The following NAA50 variants were observed in gnomAD, a reference collection of about 807,000 sequenced individuals.
The protein encoded by NAA50 is N-alpha-acetyltransferase 50, NatE catalytic subunit, also known as N-alpha-acetyltransferase 50.
NAA50 carries 7 observed loss-of-function variants against 20.7 expected under a neutral mutation model. The ratio of observed to expected loss-of-function variants is 0.34; its 90% CI spans 0.19 to 0.63. The LOEUF is 0.63. Ranked by LOEUF, NAA50 falls within the 30% of genes least tolerant of loss-of-function variation. The pLI is 0.75. For synonymous variants in NAA50, 54 were observed against 70.6 expected (o/e 0.77, Z 1.18); for missense variants, 111 against 199.1 (o/e 0.56, Z 2.66).
chr3:113,723,326 C>G, intron 3 of NAA50, 96 bp downstream of exon 3: 1 of 1,193,868 alleles, frequency 8.4e-7, no homozygotes, highest in African/African-American at 1.5e-5. Flanking sequence ...TCTCAGTATT[C>G]CTTAAAAAGA....
rs527707880 is a variant in NAA50, at chr3:113,731,613, A to G, written c.9-7518T>C. ...TACAGTCTCAAAATTCCTTAGGTGC[A>G]TCCGCAATCAATCCCCTTTCCTACC... On this transcript the variant is annotated intron_variant, in intron 1 of 4. Transcript: ENST00000240922. Among the ~76,000 whole-genome samples the G allele has an allele frequency of 3.9e-5, 6 of 152,284 alleles. No homozygotes were observed. In the South Asian group the frequency reaches 1.2e-3, roughly 32 times the overall value.
chr3:113,736,778 C>G (rs1708348387), intron 1 of NAA50, among the ~76,000 whole-genome samples: 1 of 152,126 alleles, frequency 6.6e-6, no homozygotes, highest in Non-Finnish European at 1.5e-5. Flanking sequence ...CCAGCCTCAG[C>G]CTCCTGAGCT....
At position 113,721,373 on chromosome 3, in the gene NAA50, G is replaced by T. The variant is rs1320165808; in HGVS notation, c.*387C>A. 1 of 221,656 alleles carries T rather than the reference G, an allele frequency of 4.5e-6. No homozygotes were observed. The highest frequency in any genetic ancestry group is 8.9e-6 in the Non-Finnish European group (1 of 112,558). The allele number at this position is 221,656 out of a possible 1,614,324, so 13.7% of individuals were successfully genotyped here. A position where few individuals can be genotyped will look rare whatever the true frequency, so the allele number is the denominator to read the frequency against. The stretch of plus-strand genomic sequence containing the variant: ...AACTTGTCTATGAATTAGAGAACAA[G>T]ATACTGCTGCTGCTTCTTTTTGTCT... On this transcript the variant is annotated 3_prime_UTR_variant, in exon 5 of 5. Coordinates refer to ENST00000240922, the MANE Select transcript of NAA50 (RefSeq NM_025146.4).
chr3:113,740,841 T>C, intron 1 of NAA50: 1 of 264,884 alleles, frequency 3.8e-6, no homozygotes, highest in South Asian at 5.2e-5. Context: ...TTAAAGCTTC[T>C]GTTTCTATGT....
intron 1 of NAA50, among the ~76,000 whole-genome samples, chr3:113,731,253 A>G (rs139422173): frequency 2.2e-4 from 33 of 152,234 alleles, no homozygotes; most frequent in Admixed American, 5.2e-4. Context: ...GTTGCAAAGA[A>G]TTTTTACCAG....
intron 1 of NAA50, among the ~76,000 whole-genome samples, chr3:113,737,991 G>A (rs1708368426): frequency 6.6e-6 from 1 of 152,164 alleles, no homozygotes. Flanking sequence ...GATCCTTTGA[G>A]TCCAGGAGTT....
Position 113,717,973 on chromosome 3 carries a change from T to A in NAA50, c.*3787A>T, listed in dbSNP as rs1288510015. On this transcript the variant is annotated 3_prime_UTR_variant, in exon 5 of 5. Coordinates refer to ENST00000240922, the MANE Select transcript of NAA50 (RefSeq NM_025146.4). ...TGATATCCACCTCCCAGTATTCACA[T>A]CCTTGTGCAGTCCCCTCCCACACTA... is the stretch of plus-strand genomic sequence containing the variant. 6.6e-6 allele frequency: 1 copy of A among 152,344 alleles called. No individual in the cohort carries two copies. The highest frequency in any genetic ancestry group is 2.4e-5 in the African/African-American group (1 of 41,400). 9.4% of individuals were successfully genotyped at this position (152,344 alleles called of 1,614,324 possible).
chr3:113,736,269 T>C (rs1708340286), intron 1 of NAA50, among the ~76,000 whole-genome samples: 1 of 152,218 alleles, frequency 6.6e-6, no homozygotes, highest in Admixed American at 6.5e-5. Context: ...GGCATTTTCA[T>C]ACCAGAATTT....
Position 113,723,530 on chromosome 3 carries a change from C to G in NAA50, c.157G>C (p.Asp53His). 6.2e-7 allele frequency: 1 copy of G among 1,603,274 alleles called. No homozygotes were observed. The highest frequency in any genetic ancestry group is 8.5e-7 in the Non-Finnish European group (1 of 1,175,678). ...CAGCATACTGCACCTACAGCAATAT[C>G]ATTGAAATAGGCTGCCAAGGAAAAC... ...GELAKLAYFNDIAVGAVCCRV... is the reference protein window; with the variant it reads ...GELAKLAYFNHIAVGAVCCRV... The change falls in exon 3 of 5, where the codon GAT (aspartate) becomes CAT (histidine). Residue 53 changes from aspartate (D) to histidine (H), a missense_variant. Asp to His is a moderately conservative substitution (Grantham distance 81). Transcript: ENST00000240922.
chr3:113,730,080 A>G (rs974047309), intron 1 of NAA50, among the ~76,000 whole-genome samples: 1 of 152,180 alleles, frequency 6.6e-6, no homozygotes, highest in Admixed American at 6.5e-5. Flanking sequence ...CGGGTGGATC[A>G]CTTGAAGCCA....
At chr3:113,728,079 T>TAAAAAAAAAAAAAAA (rs11429752) in intron 1 of NAA50, among the ~76,000 whole-genome samples, 1 of 140,722 alleles carries the variant, frequency 7.1e-6, no homozygotes, top group Non-Finnish European at 1.5e-5. Context: ...AACACGGAGT[T>TAAAAAAAAAAAAAAA]AAAAAAAAAA....
Position 113,721,762 on chromosome 3 carries a change from A to T in NAA50, c.508T>A (p.Ter170ArgextTer5). ...AAGAAAGTTCATTTGTAATTTGTTCAGTTGTCTGTCTTTTGCACATCTGCA... is the reference window on the plus strand; with the variant it reads ...AAGAAAGTTCATTTGTAATTTGTTCTGTTGTCTGTCTTTTGCACATCTGCA... ...QNADVQKTDN[*>R] Residue 170 changes from the stop codon to arginine (R), a stop_lost, in exon 5 of 5, where the codon TGA (stop) becomes AGA (arginine). Coordinates refer to ENST00000240922, the MANE Select transcript of NAA50 (RefSeq NM_025146.4). 6.2e-7 allele frequency: 1 copy of T among 1,613,746 alleles called. No individual in the cohort carries two copies. Among genetic ancestry groups the T allele is most frequent in the Non-Finnish European group, 8.5e-7 (1 of 1,179,742 alleles).
rs1708076972 is a variant in NAA50, at chr3:113,717,799, A to C, written c.*3961T>G. 1 of 152,202 alleles carries C rather than the reference A, an allele frequency of 6.6e-6. No individual in the cohort carries two copies. The highest frequency in any genetic ancestry group is 2.4e-5 in the African/African-American group (1 of 41,438). The allele number at this position is 152,202 out of a possible 1,614,324, so 9.4% of individuals were successfully genotyped here. A position where few individuals can be genotyped will look rare whatever the true frequency, so the allele number is the denominator to read the frequency against. Reference sequence around the variant, plus strand: ...TTCTTTTATATCCCGAATAACTGTAAAGTGCAGTGCTTTATAACCCTCATT... The same window carrying C: ...TTCTTTTATATCCCGAATAACTGTACAGTGCAGTGCTTTATAACCCTCATT... On this transcript the variant is annotated 3_prime_UTR_variant, in exon 5 of 5. Transcript: ENST00000240922.
chr3:113,741,972 A>C (rs989501863), intron 1 of NAA50, among the ~76,000 whole-genome samples: 1 of 152,230 alleles, frequency 6.6e-6, no homozygotes, highest in Admixed American at 6.5e-5. Context: ...ATTTTATTAT[A>C]AATTACTTCC....
At chr3:113,722,392 A>G (rs1708146412) in intron 4 of NAA50, among the ~76,000 whole-genome samples, 2 of 152,206 alleles carry the variant, frequency 1.3e-5, no homozygotes, top group Admixed American at 1.3e-4. Context: ...ATAACACTGT[A>G]TAATTCAATC....
At chr3:113,739,021 A>T (rs550124617) in intron 1 of NAA50, among the ~76,000 whole-genome samples, 5 of 152,212 alleles carry the variant, frequency 3.3e-5, no homozygotes, top group African/African-American at 1.2e-4. Context: ...TAAACAACTT[A>T]CGTCACAAAA....
At chr3:113,726,919 C>T (rs896437567) in intron 1 of NAA50, among the ~76,000 whole-genome samples, 1 of 152,272 alleles carries the variant, frequency 6.6e-6, no homozygotes, top group South Asian at 2.1e-4. Context: ...CTCAGCCTAA[C>T]GAGTAGCTGA....
intron 1 of NAA50, among the ~76,000 whole-genome samples, chr3:113,744,999 A>C (rs985887281): frequency 6.6e-6 from 1 of 152,238 alleles, no homozygotes; most frequent in African/African-American, 2.4e-5. Flanking sequence ...AAACTATGGC[A>C]TCGCAGAGAG....
At chr3:113,739,748 C>T (rs533638859) in intron 1 of NAA50, among the ~76,000 whole-genome samples, 1 of 152,240 alleles carries the variant, frequency 6.6e-6, no homozygotes, top group East Asian at 1.9e-4. Context: ...TTCTGTTGGC[C>T]CACAAGTTGA....
Sources: allele counts gnomAD v4.1 joint callset (sites outside exome capture counted in the v4.1 genomes callset), GRCh38; gene constraint gnomAD v4.1.1; transcripts MANE v1.5; gene names NCBI Gene and HGNC (gene_info 2026-07-23, HGNC 2026-07-21).